STARD9: variants seen among roughly 807,000 people sequenced by gnomAD.
STARD9 encodes StAR related lipid transfer domain containing 9.
Under a neutral mutation model 399.8 loss-of-function variants are expected in STARD9, and 346 were observed. The observed-to-expected ratio is 0.87, with a 90% CI of 0.79 to 0.95. STARD9 has a LOEUF of 0.95. Ranked by LOEUF, STARD9 falls within the 40% of genes least tolerant of loss-of-function variation. The probability of loss-of-function intolerance (pLI) is 0.00; values close to 1 mark genes in which losing one functional copy is unlikely to be tolerated. For synonymous variants in STARD9, 2,203 were observed against 2,143.5 expected, an observed-to-expected ratio of 1.03 and a Z score of -0.77; for missense variants, 5,832 against 5,667.5, an observed-to-expected ratio of 1.03 and a Z score of -0.93.
intron 13 of STARD9, 39 bp downstream of exon 13, chr15:42,663,956 C>T: frequency 7.5e-7 from 1 of 1,326,916 alleles, no homozygotes; most frequent in South Asian, 1.3e-5. Context: ...GTATAGTTTA[C>T]ACAAAGCTTT....
In STARD9 at chr15:42,688,810, T is replaced by C. The variant is rs779057177; in HGVS notation, c.7232T>C (p.Val2411Ala). ...SEAHTAWCGSVRSMAMGSHSQ... is the reference protein window; with the variant it reads ...SEAHTAWCGSARSMAMGSHSQ... Reference sequence around the variant, plus strand: ...GCACACACTGCCTGGTGTGGGTCTGTGCGATCCATGGCCATGGGATCTCAT... The same window carrying C: ...GCACACACTGCCTGGTGTGGGTCTGCGCGATCCATGGCCATGGGATCTCAT... Residue 2411 changes from valine to alanine, a missense_variant, in exon 23 of 33, where the codon GTG (valine) becomes GCG (alanine). Around this residue, in one of 2 missense-constraint regions of STARD9, gnomAD observed 5,828 missense variants for 5,651.1 expected, o/e 1.03. Transcript: ENST00000290607. 1.2e-5 allele frequency: 18 copies of C among 1,537,284 alleles called. No individual in the cohort carries two copies. Among genetic ancestry groups the C allele is most frequent in the Non-Finnish European group, 1.6e-5 (18 of 1,146,952 alleles).
In STARD9 at chr15:42,716,937, C is replaced by A. The variant is rs1156741844; in HGVS notation, c.13383C>A (p.Ala4461=). Residue 4461 remains alanine (A), a synonymous_variant, in exon 28 of 33, where the codon GCC becomes GCA. Transcript: ENST00000290607. ...ACCTATTTCTTGTAGGCCACAGAGC[C>A]TCCCTGGGCAGTTGCTGCTGTTCAC... is the stretch of plus-strand genomic sequence containing the variant. ...VRKNSAYSHR[A]SLGSCCCSPS... is the part of the protein sequence containing the mutation. 3 of 1,537,208 alleles carry A rather than the reference C, an allele frequency of 2.0e-6. No homozygotes were observed. Among genetic ancestry groups the A allele is most frequent in the Non-Finnish European group, 2.6e-6 (3 of 1,146,888 alleles).
At chr15:42,607,038 C>T (rs1566869467) in intron 3 of STARD9, among the ~76,000 whole-genome samples, 1 of 151,802 alleles carries the variant, frequency 6.6e-6, no homozygotes, top group Non-Finnish European at 1.5e-5. Context: ...GCCTCTATCT[C>T]CCGGGCTCAA....
In STARD9 at chr15:42,621,144, T is replaced by C. The variant is rs140225804; in HGVS notation, c.235-13712T>C. 7.9e-5 allele frequency among the ~76,000 whole-genome samples: 12 copies of C among 152,308 alleles called. No individual in the cohort carries two copies. The East Asian group carries it at 2.1e-3, about 27-fold the overall frequency. ...ACCAGTATCACTGAATTTACTTTGA[T>C]TGCTTGATTAAGGTGGTGTCTGCCA... On this transcript the variant is annotated intron_variant, in intron 3 of 32. Coordinates refer to ENST00000290607, the MANE Select transcript of STARD9 (RefSeq NM_020759.3).
chr15:42,637,255 C>T (rs1003812090), intron 4 of STARD9, among the ~76,000 whole-genome samples: 35 of 152,048 alleles, frequency 2.3e-4, no homozygotes, highest in African/African-American at 8.5e-4. Context: ...CTCTGTTACC[C>T]AAGCTGGAGT....
intron 2 of STARD9, 99 bp from the exon 3 acceptor site, chr15:42,585,422 G>A: frequency 1.4e-6 from 1 of 708,982 alleles, no homozygotes; most frequent in Non-Finnish European, 2.4e-6. Context: ...CTCATGACCA[G>A]TCCAAGTCTC....
chr15:42,660,642 G>A (rs1263482823), intron 9 of STARD9, among the ~76,000 whole-genome samples: 3 of 150,842 alleles, frequency 2.0e-5, no homozygotes, highest in Non-Finnish European at 4.4e-5. Flanking sequence ...TAACAAAACC[G>A]ACATTGAATC....
intron 26 of STARD9, among the ~76,000 whole-genome samples, chr15:42,710,829 C>G (rs1254339804): frequency 6.6e-6 from 1 of 152,094 alleles, no homozygotes; most frequent in Non-Finnish European, 1.5e-5. Context: ...ACCAGCAATC[C>G]TTGGCATTCA....
In STARD9 at chr15:42,665,757, T is replaced by G. The variant is rs1482145618; in HGVS notation, c.1255-29T>G. 5.9e-6 allele frequency: 9 copies of G among 1,534,878 alleles called. No homozygotes were observed. The South Asian group carries it at 1.1e-4, about 18-fold the overall frequency. The stretch of plus-strand genomic sequence containing the variant: ...CTACCTGAAGTTCAGACCAGGAAAA[T>G]ATCAAAGCACATCTCTATCTTTGTG... On this transcript the variant is annotated intron_variant, in intron 14 of 32. Transcript: ENST00000290607.
intron 2 of STARD9, among the ~76,000 whole-genome samples, chr15:42,584,297 A>G (rs955685003): frequency 2.0e-5 from 3 of 152,214 alleles, no homozygotes; most frequent in African/African-American, 7.2e-5. Context: ...CTAAAAAACA[A>G]TGGGGACCTA....
Position 42,686,614 on chromosome 15 carries a change from G to A in STARD9, c.5036G>A (p.Ser1679Asn). The change falls in exon 23 of 33, where the codon AGT becomes AAT. Residue 1679 changes from serine (S) to asparagine (N), a missense_variant. Physicochemically the swap from Ser to Asn is conservative, Grantham distance 46. This residue lies in a region of STARD9 where 5,828 missense variants were observed against 5,651.1 expected (regional missense o/e 1.03). Coordinates refer to ENST00000290607, the MANE Select transcript of STARD9 (RefSeq NM_020759.3). ...SQGWAPLRKN[S>N]AVQPGQLSPD... ...GGCTGGGCTCCTCTCAGGAAAAATA[G>A]TGCAGTCCAGCCAGGGCAATTAAGT... is the stretch of plus-strand genomic sequence containing the variant. 1.3e-6 allele frequency: 2 copies of A among 1,537,270 alleles called. No homozygotes were observed. The highest frequency in any genetic ancestry group is 1.7e-6 in the Non-Finnish European group (2 of 1,146,946).
At chr15:42,591,694 T>G (rs1595592991) in intron 3 of STARD9, among the ~76,000 whole-genome samples, 2 of 152,168 alleles carry the variant, frequency 1.3e-5, no homozygotes, top group South Asian at 4.1e-4. Context: ...AGGTTCAAAG[T>G]TAAAATTCCT....
chr15:42,648,809 T>A (rs1179229442), intron 7 of STARD9, among the ~76,000 whole-genome samples: 1 of 152,080 alleles, frequency 6.6e-6, no homozygotes, highest in African/African-American at 2.4e-5. Flanking sequence ...TTCTATCCCA[T>A]TCTTTCCTCT....
chr15:42,663,917 G>T lies in STARD9; in HGVS notation c.1176G>T (p.Glu392Asp). The T allele has an allele frequency of 6.5e-7, 1 of 1,527,086 alleles. No individual in the cohort carries two copies. The highest frequency in any genetic ancestry group is 8.8e-7 in the Non-Finnish European group (1 of 1,137,752). 94.6% of individuals were successfully genotyped at this position (1,527,086 alleles called of 1,614,324 possible). A position where few individuals can be genotyped will look rare whatever the true frequency, so the allele number is the denominator to read the frequency against. The change falls in exon 13 of 33, where the codon GAG becomes GAT. Residue 392 changes from glutamate to aspartate, a missense_variant and splice_region_variant. Glu to Asp is a conservative substitution (Grantham distance 45). Transcript: ENST00000290607. The part of the protein sequence containing the change: ...KNIINKPRVN[E>D]DANLKLIREL... ...TTATCAACAAGCCACGAGTAAATGA[G>T]GTGAGACCTTTTCAGAAGTCCTGGT...
chr15:42,664,025 C>T, intron 13 of STARD9, 108 bp downstream of exon 13: 4 of 718,030 alleles, frequency 5.6e-6, no homozygotes, highest in Non-Finnish European at 9.5e-6. Context: ...ACTTTCCAGA[C>T]TTGTCCTCCA....
intron 3 of STARD9, among the ~76,000 whole-genome samples, chr15:42,632,369 C>T (rs114621323): frequency 0.013 from 2,018 of 152,054 alleles, 39 homozygotes; most frequent in African/African-American, 0.046. Context: ...ATTGTTGGGT[C>T]TTGTTTTTTA....
At chr15:42,675,407 C>T (rs1046875523) in intron 18 of STARD9, 1 of 510,130 alleles carries the variant, frequency 2.0e-6, no homozygotes, top group Non-Finnish European at 3.5e-6. Context: ...GAGATTCCTC[C>T]TCTTCCATCA....
intron 10 of STARD9, among the ~76,000 whole-genome samples, chr15:42,661,695 G>A (rs914788426): frequency 6.6e-6 from 1 of 151,708 alleles, no homozygotes; most frequent in Admixed American, 6.6e-5. Flanking sequence ...GGCCTTGGGC[G>A]ATTCATCTGC....
chr15:42,690,372 A>G lies in STARD9; in HGVS notation c.8794A>G (p.Arg2932Gly), dbSNP rs1373616791. 4.6e-6 allele frequency: 7 copies of G among 1,537,246 alleles called. No homozygotes were observed. Among genetic ancestry groups the G allele is most frequent in the Non-Finnish European group, 6.1e-6 (7 of 1,146,906 alleles). The change falls in exon 23 of 33, where the codon AGG (arginine) becomes GGG (glycine). Residue 2932 changes from arginine to glycine, a missense_variant. By Grantham distance (125) the Arg-to-Gly change is moderately radical. Around this residue, in one of 2 missense-constraint regions of STARD9, gnomAD observed 5,828 missense variants for 5,651.1 expected, o/e 1.03. Coordinates refer to ENST00000290607, the MANE Select transcript of STARD9 (RefSeq NM_020759.3). ...REALDGPVFS[R>G]NPEGSRTLSP... is the part of the protein sequence containing the mutation. The stretch of plus-strand genomic sequence containing the variant: ...AGCTTTAGATGGCCCTGTCTTCTCA[A>G]GGAACCCTGAAGGCAGCAGGACTCT...
Sources: gnomAD v4.1 joint callset for allele counts (sites outside exome capture counted in the v4.1 genomes callset) on GRCh38, gnomAD v4.1.1 for gene constraint, gnomAD v4.1.1 regional missense constraint, MANE v1.5 for transcripts, NCBI Gene and HGNC (gene_info 2026-07-23, HGNC 2026-07-21) for gene names.